Variants in ATE1 observed in about 807,000 individuals in gnomAD.
ATE1 encodes the protein arginyl-tRNA--protein transferase 1.
ATE1 carries 36 observed loss-of-function variants against 70.5 expected under a neutral mutation model. The ratio of observed to expected loss-of-function variants is 0.51; its 90% CI spans 0.39 to 0.67. The LOEUF (loss-of-function observed/expected upper bound fraction) is 0.67, where lower values mean the gene tolerates loss of function less well. Among genes scored for constraint, ATE1 ranks in the 30% least tolerant of loss-of-function variants. The pLI, the probability that ATE1 is intolerant of heterozygous loss-of-function variation, is 0.00. For missense variants in ATE1, 593 were observed against 629.5 expected (o/e 0.94, Z 0.62); for synonymous variants, 232 against 219.3 (o/e 1.06, Z -0.51).
chr10:121,850,057 G>C (rs118164433), intron 8 of ATE1, among the ~76,000 whole-genome samples: 1,982 of 152,184 alleles, frequency 0.013, 21 homozygotes, highest in Middle Eastern at 0.027. Flanking sequence ...TTATCTATAA[G>C]AGTGGTCACG....
intron 11 of ATE1, among the ~76,000 whole-genome samples, chr10:121,767,765 C>T (rs2420954): frequency 0.94 from 143,728 of 152,250 alleles, 68,067 homozygotes; most frequent in Non-Finnish European, 0.98. Context: ...TATGGAGAAA[C>T]GGGAAATCTT....
At chr10:121,769,529 T>TA (rs1945413998) in intron 11 of ATE1, among the ~76,000 whole-genome samples, 1 of 152,078 alleles carries the variant, frequency 6.6e-6, no homozygotes, top group South Asian at 2.1e-4. Flanking sequence ...GCATGATGCA[T>TA]AAAAAAATTT....
In ATE1 at chr10:121,775,288, C is replaced by A. The variant is rs78243418; in HGVS notation, c.1378+14881G>T. On this transcript the variant is annotated intron_variant, in intron 11 of 11. Transcript: ENST00000224652. ...AATCTTAATTACTACTGATAGTAAA[C>A]CCTTTATGAGAACATAAAGCCTGTC... Among the ~76,000 whole-genome samples, 914 of 151,960 alleles carry A rather than the reference C, an allele frequency of 6.0e-3. 37 individuals carry two copies. The East Asian group carries it at 0.1, about 17-fold the overall frequency.
At chr10:121,801,783 T>C (rs1946889492) in intron 10 of ATE1, among the ~76,000 whole-genome samples, 2 of 151,952 alleles carry the variant, frequency 1.3e-5, no homozygotes. Context: ...TAGACAAGAG[T>C]GAGGGGGCTG....
chr10:121,790,029 T>TACACACACACAC, intron 11 of ATE1, 140 bp downstream of exon 11: 3 of 888,204 alleles, frequency 3.4e-6, no homozygotes, highest in Non-Finnish European at 4.9e-6. Context: ...TCCTCTATCT[T>TACACACACACAC]ACACACACAC....
intron 10 of ATE1, among the ~76,000 whole-genome samples, chr10:121,803,617 T>C (rs1946981214): frequency 1.3e-5 from 2 of 152,230 alleles, no homozygotes; most frequent in South Asian, 4.1e-4. Flanking sequence ...AAAATGTATA[T>C]GCCCTGAATC....
At chr10:121,796,293 A>G (rs1946656171) in intron 10 of ATE1, among the ~76,000 whole-genome samples, 1 of 152,214 alleles carries the variant, frequency 6.6e-6, no homozygotes, top group African/African-American at 2.4e-5. Context: ...AAGTTAAAAA[A>G]TAACGTTTAA....
At chr10:121,853,032 T>C (rs772262745) in intron 8 of ATE1, among the ~76,000 whole-genome samples, 17 of 152,176 alleles carry the variant, frequency 1.1e-4, no homozygotes, top group Non-Finnish European at 2.4e-4. Context: ...CTCTATTTTC[T>C]GTATTTTTCA....
At chr10:121,804,908 T>C (rs75458600) in intron 10 of ATE1, among the ~76,000 whole-genome samples, 18,794 of 152,110 alleles carry the variant, frequency 0.12, 1,483 homozygotes, top group East Asian at 0.31. Flanking sequence ...TACTAACTTC[T>C]TTTTATCTTC....
chr10:121,864,422 G>A (rs1485427371), intron 8 of ATE1, among the ~76,000 whole-genome samples: 1 of 152,228 alleles, frequency 6.6e-6, no homozygotes, highest in Non-Finnish European at 1.5e-5. Flanking sequence ...TCGCTCACTC[G>A]CTGCTCACCT....
At chr10:121,873,013 C>T (rs887116966) in intron 7 of ATE1, among the ~76,000 whole-genome samples, 3 of 152,100 alleles carry the variant, frequency 2.0e-5, no homozygotes, top group African/African-American at 4.8e-5. Flanking sequence ...TAATAACAAT[C>T]GTAGGTTAAC....
chr10:121,757,642 C>T (rs766914338), intron 11 of ATE1, among the ~76,000 whole-genome samples: 27 of 152,176 alleles, frequency 1.8e-4, no homozygotes, highest in Admixed American at 1.0e-3. Flanking sequence ...TTGTGCAGGG[C>T]AACTCCCATT....
At chr10:121,861,215 A>G (rs75683433) in intron 8 of ATE1, among the ~76,000 whole-genome samples, 1 of 152,178 alleles carries the variant, frequency 6.6e-6, no homozygotes, top group East Asian at 1.9e-4. Context: ...AATGACTTGG[A>G]TTTTAAGATG....
intron 8 of ATE1, among the ~76,000 whole-genome samples, chr10:121,864,445 A>G (rs1183472559): frequency 6.6e-6 from 1 of 152,254 alleles, no homozygotes; most frequent in Non-Finnish European, 1.5e-5. Context: ...TGAGTGTCCC[A>G]GTTCCTAACA....
chr10:121,745,581 G>A (rs913252450), intron 11 of ATE1, among the ~76,000 whole-genome samples: 4 of 152,274 alleles, frequency 2.6e-5, no homozygotes, highest in Admixed American at 2.6e-4. Flanking sequence ...AAAAAAATTA[G>A]CCAGGCGTGG....
intron 10 of ATE1, 51 bp from the exon 11 acceptor site, chr10:121,790,340 C>A (rs749226066): frequency 1.3e-6 from 2 of 1,597,522 alleles, no homozygotes; most frequent in Admixed American, 1.7e-5. Context: ...ACAGCAATGC[C>A]AGAGATAAAG....
intron 10 of ATE1, among the ~76,000 whole-genome samples, chr10:121,792,673 T>C (rs1268774437): frequency 1.3e-5 from 2 of 152,218 alleles, no homozygotes; most frequent in Non-Finnish European, 2.9e-5. Flanking sequence ...TTATCTCCAT[T>C]AACTCAGAAA....
rs574826077 is a variant in ATE1, at chr10:121,924,414, T to C, written c.107-85A>G. 2.2e-6 allele frequency: 3 copies of C among 1,349,394 alleles called. No homozygotes were observed. In the South Asian group the frequency reaches 3.5e-5, roughly 16 times the overall value. The allele number at this position is 1,349,394 out of a possible 1,614,324, so 83.6% of individuals were successfully genotyped here. A position where few individuals can be genotyped will look rare whatever the true frequency, so the allele number is the denominator to read the frequency against. ...AAAGTGTGAGGTTTAAAAATAGGAG[T>C]GTGTGTCCGGGCACGGTGGCTCATG... is the stretch of plus-strand genomic sequence containing the variant. On this transcript the variant is annotated intron_variant, in intron 1 of 11. Transcript: ENST00000224652.
At chr10:121,819,293 A>G (rs1947687103) in intron 10 of ATE1, among the ~76,000 whole-genome samples, 2 of 152,216 alleles carry the variant, frequency 1.3e-5, no homozygotes, top group Admixed American at 1.3e-4. Flanking sequence ...AGAAATAGCT[A>G]TAAAGATAAC....
Sources: allele counts gnomAD v4.1 joint callset (sites outside exome capture counted in the v4.1 genomes callset), GRCh38; gene constraint gnomAD v4.1.1; transcripts MANE v1.5; gene names NCBI Gene and HGNC (gene_info 2026-07-23, HGNC 2026-07-21).